Variants in NVL observed in about 807,000 individuals in gnomAD.
NVL encodes the protein nuclear valosin-containing protein-like.
In NVL, 84 loss-of-function variants were observed where a neutral mutation model predicts 110.2. The ratio of observed to expected loss-of-function variants is 0.76; its 90% CI spans 0.64 to 0.91. The LOEUF is 0.91. Ranked by LOEUF, NVL falls within the 40% of genes least tolerant of loss-of-function variation. NVL has a pLI of 0.00. For synonymous variants in NVL, 354 were observed against 361.1 expected (o/e 0.98, Z 0.22); for missense variants, 882 against 1,035.9 (o/e 0.85, Z 2.04).
chr1:224,301,797 TCAAAAAA>T (rs1668438733), intron 9 of NVL: 1 of 73,326 alleles, frequency 1.4e-5, no homozygotes, highest in Admixed American at 1.7e-4. Flanking sequence ...AAAATCTGTT[TCAAAAAA>T]AAAAAAAAAA....
At chr1:224,299,849 A>G (rs1193704230) in intron 10 of NVL, among the ~76,000 whole-genome samples, 1 of 151,868 alleles carries the variant, frequency 6.6e-6, no homozygotes, top group East Asian at 1.9e-4. Flanking sequence ...TTTTTTCTCA[A>G]TTACTGCTTA....
chr1:224,305,977 A>G (rs1668877144), intron 6 of NVL, among the ~76,000 whole-genome samples: 1 of 137,870 alleles, frequency 7.3e-6, no homozygotes, highest in Non-Finnish European at 1.6e-5. Flanking sequence ...GAGCTCCTTG[A>G]TTAAGGACAC....
At chr1:224,252,589 T>G (rs1227850279) in intron 18 of NVL, among the ~76,000 whole-genome samples, 1 of 152,192 alleles carries the variant, frequency 6.6e-6, no homozygotes, top group African/African-American at 2.4e-5. Flanking sequence ...TTTAACCACC[T>G]TATGGAACCC....
chr1:224,284,428 T>C (rs1666661481), intron 15 of NVL, among the ~76,000 whole-genome samples: 1 of 152,114 alleles, frequency 6.6e-6, no homozygotes, highest in African/African-American at 2.4e-5. Context: ...TAAGCTGGCA[T>C]GCAGTGGTGT....
rs750125811 is a variant in NVL, at chr1:224,289,668, T to C, written c.1391A>G (p.His464Arg). The change falls in exon 13 of 23, where the codon CAC becomes CGC. Residue 464 changes from histidine (H) to arginine (R), a missense_variant. By Grantham distance (29) the His-to-Arg change is conservative. Around this residue, in one of 4 missense-constraint regions of NVL, gnomAD observed 416 missense variants for 499.3 expected, o/e 0.83. Transcript: ENST00000281701. Reference protein sequence around the residue: ...PQAFDFCHLAHLTPGFVGADL... With the variant: ...PQAFDFCHLARLTPGFVGADL... Reference sequence around the variant, plus strand: ...AGCACCAACAAAGCCTGGAGTTAGGTGTGCTAAGTGACAGAAATCAAAAGC... The same window carrying C: ...AGCACCAACAAAGCCTGGAGTTAGGCGTGCTAAGTGACAGAAATCAAAAGC... 3.1e-5 allele frequency: 50 copies of C among 1,614,120 alleles called. No homozygotes were observed. Among genetic ancestry groups the C allele is most frequent in the Non-Finnish European group, 3.8e-5 (45 of 1,180,044 alleles).
At chr1:224,298,225 GA>G in intron 10 of NVL, 1 of 211,956 alleles carries the variant, frequency 4.7e-6, no homozygotes, top group Non-Finnish European at 9.3e-6. Flanking sequence ...GAAGAGAAGA[GA>G]AAAAGAAATG....
intron 15 of NVL, 99 bp from the exon 16 acceptor site, chr1:224,281,284 CGTGTGT>C (rs34156240): frequency 7.2e-5 from 40 of 553,182 alleles, no homozygotes; most frequent in African/African-American, 3.5e-4. Flanking sequence ...ACTCTGTGTG[CGTGTGT>C]GTGTGTGTGT....
At chr1:224,311,083 G>T (rs943894727) in intron 5 of NVL, among the ~76,000 whole-genome samples, 2 of 151,640 alleles carry the variant, frequency 1.3e-5, no homozygotes, top group African/African-American at 4.8e-5. Context: ...TTGGAGACAG[G>T]ATCTGGTTTT....
chr1:224,287,719 ATCTCTGG>A, intron 14 of NVL, 49 bp downstream of exon 14: 2 of 1,452,288 alleles, frequency 1.4e-6, no homozygotes, highest in Non-Finnish European at 9.6e-7. Flanking sequence ...ATGGAGCTTT[ATCTCTGG>A]TCTTTAATCC....
At chr1:224,238,331 C>T (rs1660766970) in intron 19 of NVL, among the ~76,000 whole-genome samples, 4 of 152,164 alleles carry the variant, frequency 2.6e-5, no homozygotes, top group Admixed American at 6.6e-5. Context: ...CAGCACCTGC[C>T]CAGTAAGCTT....
intron 19 of NVL, among the ~76,000 whole-genome samples, chr1:224,243,297 A>G (rs1178201791): frequency 2.9e-5 from 4 of 140,230 alleles, no homozygotes; most frequent in Admixed American, 7.2e-5. Flanking sequence ...CTGTTTCTAC[A>G]AAAAAAAAAA....
intron 18 of NVL, among the ~76,000 whole-genome samples, chr1:224,256,747 T>C (rs1274027397): frequency 6.6e-6 from 1 of 152,192 alleles, no homozygotes; most frequent in African/African-American, 2.4e-5. Flanking sequence ...TGCTAATCTC[T>C]TCCTAGCTCT....
chr1:224,290,751 G>A (rs978175797), intron 12 of NVL, among the ~76,000 whole-genome samples: 2 of 146,700 alleles, frequency 1.4e-5, no homozygotes, highest in African/African-American at 5.1e-5. Context: ...GCAGTGAGCT[G>A]AGATCAGGCC....
chr1:224,296,740 C>T lies in NVL; in HGVS notation c.1063-122G>A, dbSNP rs1397734136. The stretch of plus-strand genomic sequence containing the variant: ...AAGGATCATTTGCCAAAAGAATAAC[C>T]CTAAAGAAGGCAGTTCACATGTGTT... On this transcript the variant is annotated intron_variant, in intron 10 of 22. Coordinates refer to ENST00000281701, the MANE Select transcript of NVL (RefSeq NM_002533.4). The T allele has an allele frequency of 3.1e-5, 19 of 612,042 alleles. No homozygotes were observed. The East Asian group carries it at 3.8e-4, about 12-fold the overall frequency. The allele number at this position is 612,042 out of a possible 1,614,324, so 37.9% of individuals were successfully genotyped here.
intron 18 of NVL, among the ~76,000 whole-genome samples, chr1:224,251,908 C>T (rs1037784636): frequency 8.5e-5 from 13 of 152,186 alleles, no homozygotes; most frequent in African/African-American, 3.1e-4. Context: ...CTTCCTCTCT[C>T]TGGGCCTCTT....
rs1668653243 is a variant in NVL at position 224,303,834 on chromosome 1, G to A, written c.849C>T (p.His283=). Residue 283 remains histidine, a synonymous_variant, in exon 9 of 23, where the codon CAC becomes CAT. Coordinates refer to ENST00000281701, the MANE Select transcript of NVL (RefSeq NM_002533.4). ...TLKEVCKMLI[H]MRHPEVYHHL... is the part of the protein sequence containing the mutation. ...GGTGGTACACCTCCGGGTGACGCAT[G>A]TGTATGAGCATCTTGCAGACCTCCT... The A allele has an allele frequency of 6.2e-7, 1 of 1,613,480 alleles. No homozygotes were observed. Among genetic ancestry groups the A allele is most frequent in the African/African-American group, 1.3e-5 (1 of 75,054 alleles).
intron 17 of NVL, 143 bp downstream of exon 17, chr1:224,275,196 G>T: frequency 1.1e-6 from 1 of 928,366 alleles, no homozygotes; most frequent in Non-Finnish European, 1.6e-6. Flanking sequence ...CTATCTCTAG[G>T]ATTTGATTTC....
chr1:224,267,082 G>A (rs1464233391), intron 18 of NVL, among the ~76,000 whole-genome samples: 2 of 152,144 alleles, frequency 1.3e-5, no homozygotes, highest in African/African-American at 2.4e-5. Context: ...ATGTGGTGAC[G>A]CATAGTGGCC....
At chr1:224,288,890 A>G (rs1286705331) in intron 13 of NVL, among the ~76,000 whole-genome samples, 2 of 152,234 alleles carry the variant, frequency 1.3e-5, no homozygotes, top group African/African-American at 4.8e-5. Flanking sequence ...CCGATCTTGG[A>G]CTGATAACTG....
Sources: gnomAD v4.1 joint callset for allele counts (sites outside exome capture counted in the v4.1 genomes callset) on GRCh38, gnomAD v4.1.1 for gene constraint, gnomAD v4.1.1 regional missense constraint, MANE v1.5 for transcripts, NCBI Gene and HGNC (gene_info 2026-07-23, HGNC 2026-07-21) for gene names.